Variants in MPP3 observed in about 807,000 individuals in gnomAD.
MPP3 encodes the protein MAGUK p55 subfamily member 3.
In MPP3, 48 loss-of-function variants were observed where a neutral mutation model predicts 80.7. The ratio of observed to expected loss-of-function variants is 0.59; its 90% CI spans 0.47 to 0.76. The LOEUF (loss-of-function observed/expected upper bound fraction) is 0.76. MPP3 is among the 30% of genes least tolerant of loss of function. MPP3 has a pLI of 0.00. For missense variants in MPP3, 620 were observed against 763.0 expected, an observed-to-expected ratio of 0.81 and a Z score of 2.21; for synonymous variants, 311 against 297.6, an observed-to-expected ratio of 1.04 and a Z score of -0.46.
chr17:43,824,044 T>C (rs371022457), intron 9 of MPP3, 39 bp from the exon 10 acceptor site: 7 of 1,467,300 alleles, frequency 4.8e-6, no homozygotes, highest in Admixed American at 1.9e-5. Context: ...GCCTACCAGG[T>C]CTAACCCTCC....
chr17:43,816,128 TC>T, intron 13 of MPP3, 49 bp from the exon 14 acceptor site: 2 of 1,476,824 alleles, frequency 1.4e-6, no homozygotes, highest in East Asian at 2.7e-5. Flanking sequence ...ACCAGACACA[TC>T]CGGCCCAGGG....
At chr17:43,809,277 C>T (rs984402507) in intron 18 of MPP3, among the ~76,000 whole-genome samples, 199 bp from the exon 19 acceptor site, 2 of 152,144 alleles carry the variant, frequency 1.3e-5, no homozygotes, top group African/African-American at 4.8e-5. Context: ...ACGTTGAACT[C>T]AGCGGGGCCC....
intron 19 of MPP3, among the ~76,000 whole-genome samples, chr17:43,806,076 G>A (rs1006952301): frequency 1.3e-5 from 2 of 152,182 alleles, no homozygotes; most frequent in Non-Finnish European, 2.9e-5. Context: ...CACAAAATTA[G>A]AATCCTGATT....
chr17:43,823,351 C>T (rs193140402), intron 10 of MPP3, among the ~76,000 whole-genome samples: 1 of 152,122 alleles, frequency 6.6e-6, no homozygotes, highest in Admixed American at 6.5e-5. Flanking sequence ...ATGGGCAGAC[C>T]CCACCAAGGT....
At chr17:43,802,999 G>C (rs1253963432) in intron 19 of MPP3, among the ~76,000 whole-genome samples, 2 of 152,212 alleles carry the variant, frequency 1.3e-5, no homozygotes, top group African/African-American at 4.8e-5. Flanking sequence ...TGTAAGAGAA[G>C]GCTGAGATAA....
intron 19 of MPP3, among the ~76,000 whole-genome samples, chr17:43,808,691 G>A (rs1019126132): frequency 6.6e-5 from 10 of 152,232 alleles, no homozygotes; most frequent in Admixed American, 1.3e-4. Flanking sequence ...GCGGGAGGGC[G>A]CTTATGTGAG....
chr17:43,814,053 C>T lies in MPP3; in HGVS notation c.1213G>A (p.Val405Met), dbSNP rs745410456. The T allele has an allele frequency of 4.3e-6, 7 of 1,613,448 alleles. No homozygotes were observed. Among genetic ancestry groups the T allele is most frequent in the Non-Finnish European group, 5.9e-6 (7 of 1,179,662 alleles). The change falls in exon 16 of 20, where the codon GTG becomes ATG. Residue 405 changes from valine (V) to methionine (M), a missense_variant. Val to Met is a conservative substitution (Grantham distance 21). Coordinates refer to ENST00000398389, the MANE Select transcript of MPP3 (RefSeq NM_001932.6). ...AAGTGCTGTGGGTTCTCAGCCACCACCTTTTGCTTCAGCTCGTGCAGTCGG... is the reference window on the plus strand; with the variant it reads ...AAGTGCTGTGGGTTCTCAGCCACCATCTTTTGCTTCAGCTCGTGCAGTCGG... ...GARLHELKQK[V>M]VAENPQHFGV...
Position 43,827,787 on chromosome 17 carries a change from C to T in MPP3, c.487G>A (p.Ala163Thr). Residue 163 changes from alanine (A) to threonine (T), a missense_variant, in exon 8 of 20, where the codon GCC becomes ACC. Transcript: ENST00000398389. ...RDEHSGAVVV[A>T]RIMRGGAADR... ...GCTGCGCCTCCTCGCATGATCCTGG[C>T]CACCACAACAGCCCCTGAGTGCTCG... 1 of 1,612,862 alleles carries T rather than the reference C, an allele frequency of 6.2e-7. No homozygotes were observed. The highest frequency in any genetic ancestry group is 8.5e-7 in the Non-Finnish European group (1 of 1,180,010).
chr17:43,820,181 G>T (rs893099767), intron 11 of MPP3, among the ~76,000 whole-genome samples: 19 of 152,140 alleles, frequency 1.2e-4, no homozygotes, highest in African/African-American at 4.1e-4. Context: ...CTGGGCCCAA[G>T]GGAACCTTCT....
chr17:43,823,798 A>C, intron 10 of MPP3, 133 bp downstream of exon 10: 1 of 641,946 alleles, frequency 1.6e-6, no homozygotes, highest in Non-Finnish European at 2.7e-6. Context: ...TCCACTGGGC[A>C]CAGATTACTA....
At chr17:43,803,954 G>A (rs915623607) in intron 19 of MPP3, among the ~76,000 whole-genome samples, 10 of 152,126 alleles carry the variant, frequency 6.6e-5, no homozygotes, top group Admixed American at 2.0e-4. Context: ...TGACAAAACC[G>A]GCCAGGCTGG....
chr17:43,825,730 A>T (rs1369306217), intron 9 of MPP3, 26 bp downstream of exon 9: 6 of 1,514,776 alleles, frequency 4.0e-6, no homozygotes, highest in Non-Finnish European at 5.5e-6. Flanking sequence ...GACCCAGCAC[A>T]TCCCTAGCAG....
chr17:43,822,930 C>G (rs572204370), intron 10 of MPP3, among the ~76,000 whole-genome samples: 1 of 152,190 alleles, frequency 6.6e-6, no homozygotes, highest in Admixed American at 6.5e-5. Context: ...GTATATAGAT[C>G]GCCCAGCTCC....
rs1027161522 is a variant in MPP3 at position 43,807,251 on chromosome 17, G to A, written c.1581+1705C>T. Among the ~76,000 whole-genome samples the A allele has an allele frequency of 3.0e-4, 45 of 149,880 alleles. 1 individual carries two copies. The highest frequency in any genetic ancestry group is 1.3e-4 in the Admixed American group (2 of 15,040). ...GCCTCCCAAAGTGCTGGGATTATAG[G>A]CGTGAGCCACCATGCCAGCCTCCCC... is the stretch of plus-strand genomic sequence containing the variant. On this transcript the variant is annotated intron_variant, in intron 19 of 19. Transcript: ENST00000398389.
In MPP3 at chr17:43,829,719, T is replaced by C. The variant is rs778455605; in HGVS notation, c.376A>G (p.Ile126Val). ...GATTCCTCATCAAAATCCTCATCGA[T>C]ATTGTCAGGCAGAGGCGGGAGAACG... ...DPVLPPLPDNIDEDFDEESVK... is the reference protein window; with the variant it reads ...DPVLPPLPDNVDEDFDEESVK... Residue 126 changes from isoleucine (I) to valine (V), a missense_variant, in exon 7 of 20, where the codon ATC (isoleucine) becomes GTC (valine). Physicochemically the swap from Ile to Val is conservative, Grantham distance 29. Transcript: ENST00000398389. 1.9e-6 allele frequency: 3 copies of C among 1,613,902 alleles called. No homozygotes were observed. Among genetic ancestry groups the C allele is most frequent in the Non-Finnish European group, 2.5e-6 (3 of 1,180,006 alleles).
chr17:43,820,728 C>G, intron 11 of MPP3, 134 bp downstream of exon 11: 1 of 728,836 alleles, frequency 1.4e-6, no homozygotes, highest in Middle Eastern at 2.4e-4. Flanking sequence ...AACACAAGTG[C>G]AACTGGTACT....
At chr17:43,823,322 A>G (rs529806134) in intron 10 of MPP3, among the ~76,000 whole-genome samples, 1 of 152,156 alleles carries the variant, frequency 6.6e-6, no homozygotes, top group East Asian at 1.9e-4. Context: ...TCCTCTCCAG[A>G]GTGCCAGGGA....
rs771576932 is a variant in MPP3, at chr17:43,811,210, TAAAG to T, written c.1256-9_1256-6del. 6.2e-7 allele frequency: 1 copy of T among 1,611,476 alleles called. No homozygotes were observed. Among genetic ancestry groups the T allele is most frequent in the Non-Finnish European group, 8.5e-7 (1 of 1,177,700 alleles). ...TCTTTCGGGGCCTGGTGGTATCTTT[TAAAG>T]AAAGAAGGAAAGCTGGGCAAAGAGA... On this transcript the variant is annotated splice_polypyrimidine_tract_variant and splice_region_variant and intron_variant, in intron 16 of 19. Transcript: ENST00000398389.
chr17:43,814,345 G>T lies in MPP3; in HGVS notation c.1026C>A (p.Ser342Arg). The stretch of plus-strand genomic sequence containing the variant: ...GTCTCTCCCTACAGCCCAGCCGGAA[G>T]CTCCTCCGAAGACCAGCTTGGGAGG... Reference protein sequence around the residue: ...KGHYVAGLRRSFRLGCRERLG... With the variant: ...KGHYVAGLRRRFRLGCRERLG... Residue 342 changes from serine (S) to arginine (R), a missense_variant, in exon 15 of 20, where the codon AGC becomes AGA. Coordinates refer to ENST00000398389, the MANE Select transcript of MPP3 (RefSeq NM_001932.6). 3 of 1,604,486 alleles carry T rather than the reference G, an allele frequency of 1.9e-6. No homozygotes were observed. The highest frequency in any genetic ancestry group is 2.5e-6 in the Non-Finnish European group (3 of 1,178,568).
Sources: allele counts gnomAD v4.1 joint callset (sites outside exome capture counted in the v4.1 genomes callset), GRCh38; gene constraint gnomAD v4.1.1; transcripts MANE v1.5; gene names NCBI Gene and HGNC (gene_info 2026-07-23, HGNC 2026-07-21).